INPP4B: variants seen among roughly 807,000 people sequenced by gnomAD.
INPP4B encodes inositol polyphosphate-4-phosphatase type II B.
INPP4B carries 55 observed loss-of-function variants against 122.5 expected under a neutral mutation model. The ratio of observed to expected loss-of-function variants is 0.45; its 90% CI spans 0.36 to 0.56. INPP4B has a LOEUF of 0.56. INPP4B is among the 20% of genes least tolerant of loss of function. INPP4B has a pLI of 0.00. For missense variants in INPP4B, 1,000 were observed against 1,097.7 expected, an observed-to-expected ratio of 0.91 and a Z score of 1.26; for synonymous variants, 403 against 388.7, an observed-to-expected ratio of 1.04 and a Z score of -0.43.
intron 2 of INPP4B, among the ~76,000 whole-genome samples, chr4:142,519,201 T>C (rs527755575): frequency 6.6e-6 from 1 of 152,246 alleles, no homozygotes; most frequent in African/African-American, 2.4e-5. Flanking sequence ...AATCACACAC[T>C]TTTAAGGAAT....
chr4:142,639,552 T>G (rs1749925089), intron 2 of INPP4B, among the ~76,000 whole-genome samples: 1 of 152,208 alleles, frequency 6.6e-6, no homozygotes, highest in Non-Finnish European at 1.5e-5. Flanking sequence ...TATCCAAATA[T>G]TTTTATAAAT....
At chr4:142,431,660 C>A (rs1414604854) in intron 3 of INPP4B, among the ~76,000 whole-genome samples, 1 of 152,054 alleles carries the variant, frequency 6.6e-6, no homozygotes, top group Admixed American at 6.6e-5. Flanking sequence ...TAGTGGATAG[C>A]TATAGGGGCT....
chr4:142,428,328 T>A (rs1378544878), intron 5 of INPP4B, among the ~76,000 whole-genome samples: 1 of 151,322 alleles, frequency 6.6e-6, no homozygotes, highest in Non-Finnish European at 1.5e-5. Flanking sequence ...ATACTATATG[T>A]GGTCTCTGTA....
chr4:142,332,468 T>C (rs780714185), intron 7 of INPP4B, among the ~76,000 whole-genome samples: 2 of 151,768 alleles, frequency 1.3e-5, no homozygotes, highest in African/African-American at 2.4e-5. Context: ...TAGTTCTCAA[T>C]GTCCTTGAGA....
At chr4:142,607,976 A>G (rs1426243726) in intron 2 of INPP4B, among the ~76,000 whole-genome samples, 1 of 152,158 alleles carries the variant, frequency 6.6e-6, no homozygotes, top group Non-Finnish European at 1.5e-5. Context: ...TTCCCAGGAC[A>G]TCTGCATCCA....
chr4:142,687,682 G>A (rs923854628), intron 2 of INPP4B, among the ~76,000 whole-genome samples: 2 of 151,954 alleles, frequency 1.3e-5, no homozygotes, highest in Non-Finnish European at 2.9e-5. Context: ...GTCAGAAAGA[G>A]CAAGTAAGTG....
chr4:142,727,583 T>C (rs774020379), intron 1 of INPP4B, among the ~76,000 whole-genome samples: 6 of 152,078 alleles, frequency 3.9e-5, no homozygotes, highest in Non-Finnish European at 7.4e-5. Context: ...AAACATAATC[T>C]TAAAAAATAA....
At chr4:142,778,751 AT>A (rs1774326084) in intron 1 of INPP4B, among the ~76,000 whole-genome samples, 1 of 152,152 alleles carries the variant, frequency 6.6e-6, no homozygotes, top group African/African-American at 2.4e-5. Flanking sequence ...GAAAATCATT[AT>A]TTTAGAAAGA....
chr4:142,337,920 A>T (rs1470551725), intron 7 of INPP4B, among the ~76,000 whole-genome samples: 1 of 151,454 alleles, frequency 6.6e-6, no homozygotes, highest in African/African-American at 2.4e-5. Context: ...AGTATGACAA[A>T]GTGAGGGGAA....
At chr4:142,426,924 G>T (rs538625012) in intron 5 of INPP4B, 1 of 151,814 alleles carries the variant, frequency 6.6e-6, no homozygotes, top group Admixed American at 6.6e-5. Context: ...CTTCCTTACT[G>T]AATTTCTTTT....
In INPP4B at chr4:142,541,133, T is replaced by C. The variant is rs576266955; in HGVS notation, c.-190-78407A>G. 2.0e-5 allele frequency among the ~76,000 whole-genome samples: 3 copies of C among 152,320 alleles called. No individual in the cohort carries two copies. The East Asian group carries it at 5.8e-4, about 29-fold the overall frequency. ...AAGTATCAATAACTAATATTGAGAT[T>C]ATCTTAAACAGATGATATTTAAAGA... On this transcript the variant is annotated intron_variant, in intron 2 of 25. Transcript: ENST00000262992.
At chr4:142,400,370 C>G (rs1037335242) in intron 7 of INPP4B, among the ~76,000 whole-genome samples, 17 of 152,034 alleles carry the variant, frequency 1.1e-4, no homozygotes, top group African/African-American at 4.1e-4. Flanking sequence ...TATTAACCTT[C>G]CAAAACATAC....
At chr4:142,797,406 A>C (rs1777401023) in intron 1 of INPP4B, among the ~76,000 whole-genome samples, 1 of 152,068 alleles carries the variant, frequency 6.6e-6, no homozygotes, top group African/African-American at 2.4e-5. Flanking sequence ...TTACCATCAG[A>C]AAAACAGGAA....
chr4:142,537,471 GATACACATACAC>G (rs1460553705), intron 2 of INPP4B, among the ~76,000 whole-genome samples: 4 of 85,898 alleles, frequency 4.7e-5, no homozygotes, highest in African/African-American at 1.6e-4. Flanking sequence ...GAGAGAGAGA[GATACACATACAC>G]ATACATACAC....
chr4:142,648,382 A>G (rs528746629), intron 2 of INPP4B, among the ~76,000 whole-genome samples: 99 of 152,332 alleles, frequency 6.5e-4, no homozygotes, highest in African/African-American at 2.3e-3. Flanking sequence ...TCACCCAGGA[A>G]GCACAAGGGG....
chr4:142,034,131 C>A (rs953648753), intron 25 of INPP4B, among the ~76,000 whole-genome samples: 1 of 152,190 alleles, frequency 6.6e-6, no homozygotes, highest in Admixed American at 6.5e-5. Flanking sequence ...GCATGAGACT[C>A]TCTCTATATG....
intron 14 of INPP4B, among the ~76,000 whole-genome samples, chr4:142,194,735 C>A (rs1008358430): frequency 1.3e-5 from 2 of 152,148 alleles, no homozygotes; most frequent in Admixed American, 1.3e-4. Context: ...CTGATGGGAA[C>A]CTGAGTCGCT....
At chr4:142,353,377 T>A (rs2151831324) in intron 7 of INPP4B, among the ~76,000 whole-genome samples, 1 of 152,072 alleles carries the variant, frequency 6.6e-6, no homozygotes, top group African/African-American at 2.4e-5. Flanking sequence ...AGGAAAAAAT[T>A]CCATTCCCCT....
At chr4:142,364,999 T>C (rs1786895440) in intron 7 of INPP4B, among the ~76,000 whole-genome samples, 2 of 151,982 alleles carry the variant, frequency 1.3e-5, no homozygotes, top group African/African-American at 4.8e-5. Flanking sequence ...TACCCTAGGC[T>C]CCCAAGTGAG....
Sources: allele counts gnomAD v4.1 joint callset (sites outside exome capture counted in the v4.1 genomes callset), GRCh38; gene constraint gnomAD v4.1.1; transcripts MANE v1.5; gene names NCBI Gene and HGNC (gene_info 2026-07-23, HGNC 2026-07-21).